The following NLRP5 variants were observed in gnomAD, a reference collection of about 807,000 sequenced individuals.
The protein encoded by NLRP5 is NACHT, LRR and PYD domains-containing protein 5.
NLRP5 carries 93 observed loss-of-function variants against 113.1 expected under a neutral mutation model. That is an observed-to-expected ratio of 0.82 (90% CI 0.70 to 0.98). The LOEUF is 0.98. Among genes scored for constraint, NLRP5 ranks in the 50% least tolerant of loss-of-function variants. The pLI is 0.00. For missense variants in NLRP5, 1,808 were observed against 1,514.3 expected (o/e 1.19, Z -3.22); for synonymous variants, 751 against 600.7 (o/e 1.25, Z -3.66).
intron 11 of NLRP5, among the ~76,000 whole-genome samples, chr19:56,046,821 C>T (rs939628281): frequency 3.3e-5 from 5 of 152,316 alleles, no homozygotes; most frequent in South Asian, 2.1e-4. Context: ...CGTGAGCCAT[C>T]GCGCCCAGCC....
chr19:55,996,970 T>C (rs1385402794), upstream of NLRP5, among the ~76,000 whole-genome samples: 2 of 152,114 alleles, frequency 1.3e-5, no homozygotes, highest in African/African-American at 4.8e-5. Context: ...AAAGTGTTTC[T>C]ATTTCTCCAC....
intron 1 of NLRP5, among the ~76,000 whole-genome samples, chr19:56,001,182 T>C (rs958224228): frequency 1.1e-4 from 16 of 148,096 alleles, no homozygotes; most frequent in Non-Finnish European, 1.6e-4. Flanking sequence ...TTTAAAGGCC[T>C]GGTGCAGTGA....
In NLRP5 at chr19:56,048,265, C is replaced by T. The variant is rs992705642; in HGVS notation, c.2958-2153C>T. ...TTGCATTCATCGTTCTCTTTGTTGCCTGTGTACCTTGGGTTTTGTTTTTTG... is the reference window on the plus strand; with the variant it reads ...TTGCATTCATCGTTCTCTTTGTTGCTTGTGTACCTTGGGTTTTGTTTTTTG... On this transcript the variant is annotated intron_variant, in intron 11 of 14. Transcript: ENST00000390649. Among the ~76,000 whole-genome samples, 6 of 151,990 alleles carry T rather than the reference C, an allele frequency of 3.9e-5. No individual in the cohort carries two copies. In the East Asian group the frequency reaches 1.2e-3, roughly 29 times the overall value.
At chr19:56,052,754 C>T (rs543216030) in intron 12 of NLRP5, among the ~76,000 whole-genome samples, 1 of 152,308 alleles carries the variant, frequency 6.6e-6, no homozygotes, top group African/African-American at 2.4e-5. Flanking sequence ...CCCCATTTTT[C>T]CTAAGAATAG....
chr19:56,022,375 C>T (rs10402653), intron 6 of NLRP5, among the ~76,000 whole-genome samples: 5,482 of 150,738 alleles, frequency 0.036, 331 homozygotes, highest in African/African-American at 0.13. Context: ...TATGCTACAA[C>T]ATCTGGCTAA....
At chr19:56,045,595 C>T (rs1983693928) in intron 11 of NLRP5, among the ~76,000 whole-genome samples, 1 of 152,030 alleles carries the variant, frequency 6.6e-6, no homozygotes, top group Admixed American at 6.6e-5. Context: ...TGATGTTCCC[C>T]TTCCTGTGTC....
chr19:56,004,422 G>C (rs1214519024), intron 2 of NLRP5, among the ~76,000 whole-genome samples: 5 of 152,132 alleles, frequency 3.3e-5, no homozygotes, highest in Admixed American at 2.6e-4. Flanking sequence ...GTCTCCTTCT[G>C]TTCTGACCCT....
At position 56,027,517 on chromosome 19, in the gene NLRP5, A is replaced by T. The variant is rs1211042912; in HGVS notation, c.1284A>T (p.Leu428Phe). Residue 428 changes from leucine to phenylalanine, a missense_variant, in exon 7 of 15, where the codon TTA (leucine) becomes TTT (phenylalanine). Physicochemically the swap from Leu to Phe is conservative, Grantham distance 22. Coordinates refer to ENST00000390649, the MANE Select transcript of NLRP5 (RefSeq NM_153447.4). ...AGGTCGTGTCTCCCCGTTACCTGTT[A>T]GTTAGAGGAATCTCCGGGGAACAAA... 3.7e-6 allele frequency: 6 copies of T among 1,613,726 alleles called. No individual in the cohort carries two copies. Among genetic ancestry groups the T allele is most frequent in the Admixed American group, 1.7e-5 (1 of 59,990 alleles).
At chr19:56,041,123 T>G (rs1183621247) in intron 11 of NLRP5, 31 bp downstream of exon 11, 6 of 1,607,540 alleles carry the variant, frequency 3.7e-6, no homozygotes, top group Non-Finnish European at 5.1e-6. Context: ...TGCAAGGACT[T>G]CCTAGCTTTC....
At chr19:56,001,716 A>G (rs1434619564) in intron 1 of NLRP5, among the ~76,000 whole-genome samples, 14 of 152,170 alleles carry the variant, frequency 9.2e-5, no homozygotes, top group South Asian at 2.1e-4. Flanking sequence ...AGGTGACATG[A>G]CAAGACTTTA....
Position 56,018,027 on chromosome 19 carries a change from C to A in NLRP5, c.566-1315C>A, listed in dbSNP as rs142096907. 7.5e-3 allele frequency among the ~76,000 whole-genome samples: 1,141 copies of A among 152,250 alleles called. 7 individuals are homozygous for A. The highest frequency in any genetic ancestry group is 0.011 in the Non-Finnish European group (739 of 68,010). On this transcript the variant is annotated intron_variant, in intron 4 of 14. Transcript: ENST00000390649. ...TGGTCTCTACCCGTAATATATGACCCATTTTTACACAGTTCTTCCCATCTT... is the reference window on the plus strand; with the variant it reads ...TGGTCTCTACCCGTAATATATGACCAATTTTTACACAGTTCTTCCCATCTT...
At chr19:56,032,848 C>T (rs1983175556) in intron 8 of NLRP5, 67 bp downstream of exon 8, 1 of 1,460,154 alleles carries the variant, frequency 6.8e-7, no homozygotes, top group Non-Finnish European at 9.3e-7. Flanking sequence ...CCCCTACCTC[C>T]TGAGAGACCC....
At chr19:56,022,408 G>C (rs531047702) in intron 6 of NLRP5, among the ~76,000 whole-genome samples, 744 of 53,764 alleles carry the variant, frequency 0.014, 5 homozygotes, top group African/African-American at 0.028. Context: ...TTATAGAAAG[G>C]AGGGGGCAGG....
Position 56,061,757 on chromosome 19 carries a change from G to A in NLRP5, c.*229G>A, listed in dbSNP as rs781610891. 3.4e-5 allele frequency: 17 copies of A among 507,186 alleles called. No individual in the cohort carries two copies. The highest frequency in any genetic ancestry group is 7.9e-5 in the South Asian group (3 of 37,782). 31.4% of individuals were successfully genotyped at this position (507,186 alleles called of 1,614,324 possible). ...AGGACTCAGTATCTGTGAAATGTCC[G>A]TCATATCTCAGAGCATATAGAGGGA... On this transcript the variant is annotated 3_prime_UTR_variant, in exon 15 of 15. Coordinates refer to ENST00000390649, the MANE Select transcript of NLRP5 (RefSeq NM_153447.4).
intron 6 of NLRP5, among the ~76,000 whole-genome samples, chr19:56,021,683 T>C (rs1982622955): frequency 6.6e-6 from 1 of 152,190 alleles, no homozygotes; most frequent in Non-Finnish European, 1.5e-5. Context: ...TATTCCATTG[T>C]ATGGAAAGAC....
At position 56,053,405 on chromosome 19, in the gene NLRP5, T is replaced by A. The variant is rs558544246; in HGVS notation, c.3129-233T>A. 5.4e-5 allele frequency among the ~76,000 whole-genome samples: 8 copies of A among 148,420 alleles called. No individual in the cohort carries two copies. In the South Asian group the frequency reaches 1.1e-3, roughly 20 times the overall value. On this transcript the variant is annotated intron_variant, in intron 12 of 14. Transcript: ENST00000390649. ...GAGCAAAACTCCATCTCAAAAAAAA[T>A]TAATTAAAAAATAAAGATACCTTCA... is the stretch of plus-strand genomic sequence containing the variant.
Position 56,053,703 on chromosome 19 carries a change from G to C in NLRP5, c.3194G>C (p.Arg1065Thr). ...CTGTCCTGTGTGATCTCGAGGAGCAGACACCTGAAGAGCCTGGATCTCACG... is the reference window on the plus strand; with the variant it reads ...CTGTCCTGTGTGATCTCGAGGAGCACACACCTGAAGAGCCTGGATCTCACG... Residue 1065 changes from arginine to threonine, a missense_variant, in exon 13 of 15, where the codon AGA becomes ACA. Transcript: ENST00000390649. 6.2e-7 allele frequency: 1 copy of C among 1,613,972 alleles called. No homozygotes were observed. Among genetic ancestry groups the C allele is most frequent in the Non-Finnish European group, 8.5e-7 (1 of 1,179,888 alleles).
intron 13 of NLRP5, among the ~76,000 whole-genome samples, chr19:56,055,162 T>C (rs1984085943): frequency 6.6e-6 from 1 of 151,782 alleles, no homozygotes; most frequent in South Asian, 2.1e-4. Context: ...CTACTTTTTT[T>C]TGTATGTTTA....
intron 12 of NLRP5, 150 bp downstream of exon 12, chr19:56,050,738 G>A (rs1983904091): frequency 1.4e-6 from 1 of 712,146 alleles, no homozygotes; most frequent in Non-Finnish European, 2.3e-6. Context: ...TAGGTAAACT[G>A]AGGTGTTGAC....
Sources: allele counts gnomAD v4.1 joint callset (sites outside exome capture counted in the v4.1 genomes callset), GRCh38; gene constraint gnomAD v4.1.1; transcripts MANE v1.5; gene names NCBI Gene and HGNC (gene_info 2026-07-23, HGNC 2026-07-21).